Variants in MAB21L4 observed in about 807,000 individuals in gnomAD.
The protein encoded by MAB21L4 is mab-21 like 4, also known as protein mab-21-like 4.
MAB21L4 carries 25 observed loss-of-function variants against 32.4 expected under a neutral mutation model. That is an observed-to-expected ratio of 0.77 (90% CI 0.56 to 1.08). The LOEUF (loss-of-function observed/expected upper bound fraction) is 1.08. MAB21L4 is among the 50% of genes least tolerant of loss of function. The pLI, the probability that MAB21L4 is intolerant of heterozygous loss-of-function variation, is 0.00. For missense variants in MAB21L4, 638 were observed against 611.0 expected (o/e 1.04, Z -0.47); for synonymous variants, 280 against 276.8 (o/e 1.01, Z -0.11).
chr2:240,888,257 C>G, intron 4 of MAB21L4, 35 bp downstream of exon 4: 1 of 1,482,330 alleles, frequency 6.7e-7, no homozygotes, highest in Admixed American at 2.2e-5. Flanking sequence ...CCCATGCCCC[C>G]GGGCCTGCCC....
At chr2:240,890,321 C>T (rs946542128) in intron 2 of MAB21L4, among the ~76,000 whole-genome samples, 163 bp from the exon 3 acceptor site, 1 of 152,218 alleles carries the variant, frequency 6.6e-6, no homozygotes, top group Non-Finnish European at 1.5e-5. Context: ...CTGCTGTCAT[C>T]GGCTGTGCAG....
At chr2:240,894,460 C>T (rs150105505) in intron 1 of MAB21L4, among the ~76,000 whole-genome samples, 1,677 of 152,290 alleles carry the variant, frequency 0.011, 32 homozygotes, top group African/African-American at 0.039. Flanking sequence ...TCCAGGCAGC[C>T]CCTGCTGAAG....
At chr2:240,891,517 T>A (rs755392582) in intron 2 of MAB21L4, 21 bp downstream of exon 2, 1 of 1,572,294 alleles carries the variant, frequency 6.4e-7, no homozygotes. Flanking sequence ...AAGAACCTTG[T>A]GACCAGGAGG....
chr2:240,892,750 C>T (rs1483542910), intron 1 of MAB21L4, among the ~76,000 whole-genome samples: 1 of 152,228 alleles, frequency 6.6e-6, no homozygotes, highest in Non-Finnish European at 1.5e-5. Context: ...CTGTCCCCCA[C>T]AGGAGGCACA....
Position 240,890,191 on chromosome 2 carries a change from C to T in MAB21L4, c.741-33G>A, listed in dbSNP as rs368612814. The T allele has an allele frequency of 9.9e-5, 155 of 1,572,140 alleles. No individual in the cohort carries two copies. In the Middle Eastern group the frequency reaches 1.1e-3, roughly 12 times the overall value. On this transcript the variant is annotated intron_variant, in intron 2 of 4. Transcript: ENST00000388934. The stretch of plus-strand genomic sequence containing the variant: ...CCAGACAGACGCACTGGGTCAGCCC[C>T]CGCCGCTGTTGGCCCCCAGCATGGG...
At chr2:240,893,024 C>T (rs886143090) in intron 1 of MAB21L4, among the ~76,000 whole-genome samples, 13 of 152,328 alleles carry the variant, frequency 8.5e-5, no homozygotes, top group Middle Eastern at 3.4e-3. Flanking sequence ...GACACCCACA[C>T]GGCCCCCGCC....
In MAB21L4 at chr2:240,891,727, A is replaced by G; in HGVS notation, c.551T>C (p.Leu184Pro). The G allele has an allele frequency of 6.2e-7, 1 of 1,609,934 alleles. No homozygotes were observed. Among genetic ancestry groups the G allele is most frequent in the Non-Finnish European group, 8.5e-7 (1 of 1,179,864 alleles). Residue 184 changes from leucine (L) to proline (P), a missense_variant, in exon 2 of 5, where the codon CTC (leucine) becomes CCC (proline). Transcript: ENST00000388934. ...GCTGGACACCAGCAAGGACAGGTGGAGCTGCTCCTCCCTCAGGCTGGCCGC... is the reference window on the plus strand; with the variant it reads ...GCTGGACACCAGCAAGGACAGGTGGGGCTGCTCCTCCCTCAGGCTGGCCGC... ...LNAASLREEQ[L>P]HLSLLVSSGW...
intron 4 of MAB21L4, 52 bp from the exon 5 acceptor site, chr2:240,887,214 G>T: frequency 1.4e-6 from 2 of 1,476,660 alleles, no homozygotes; most frequent in Non-Finnish European, 1.9e-6. Context: ...TGGAGCCCAT[G>T]ATAAGCTCTC....
chr2:240,890,571 C>T (rs10933511), intron 2 of MAB21L4, among the ~76,000 whole-genome samples: 82,098 of 152,064 alleles, frequency 0.54, 23,336 homozygotes, highest in African/African-American at 0.73. Context: ...ACCCCAGCCC[C>T]GCCTATGCCC....
At chr2:240,888,101 GGACCCCCACGGCCCGTGT>G (rs2059111134) in intron 4 of MAB21L4, among the ~76,000 whole-genome samples, 173 bp downstream of exon 4, 1 of 152,134 alleles carries the variant, frequency 6.6e-6, no homozygotes, top group African/African-American at 2.4e-5. Flanking sequence ...ACCAGTGAGG[GGACCCCCACGGCCCGTGT>G]GACCCCCAGA....
chr2:240,895,753 T>C lies in MAB21L4; in HGVS notation c.245A>G (p.Glu82Gly), dbSNP rs372135948. Residue 82 changes from glutamate (E) to glycine (G), a missense_variant, in exon 1 of 5, where the codon GAG (glutamate) becomes GGG (glycine). Physicochemically the swap from Glu to Gly is moderately conservative, Grantham distance 98. Coordinates refer to ENST00000388934, the MANE Select transcript of MAB21L4 (RefSeq NM_001085437.3). The stretch of plus-strand genomic sequence containing the variant: ...CTCGGCATCCACCCACAGGGGCACC[T>C]CCATGTCCATTGGGTCCTCAGAGGA... ...LRSSEDPMDMEVPLWVDAEAL... is the reference protein window; with the variant it reads ...LRSSEDPMDMGVPLWVDAEAL... 5 of 1,612,656 alleles carry C rather than the reference T, an allele frequency of 3.1e-6. No homozygotes were observed. Among genetic ancestry groups the C allele is most frequent in the Non-Finnish European group, 4.2e-6 (5 of 1,179,918 alleles).
intron 1 of MAB21L4, among the ~76,000 whole-genome samples, chr2:240,894,204 G>A (rs1011038000): frequency 6.6e-5 from 10 of 151,858 alleles, no homozygotes; most frequent in African/African-American, 1.2e-4. Context: ...GGCCTCTCGC[G>A]AAGGTGAGCT....
chr2:240,888,281 C>T lies in MAB21L4; in HGVS notation c.1251+11G>A. On this transcript the variant is annotated intron_variant, in intron 4 of 4. Transcript: ENST00000388934. ...CCGGGCCTGCCCAAGGCCCCCGCAG[C>T]CAGCACCCACCTTGTCCAGCAGGAC... is the stretch of plus-strand genomic sequence containing the variant. 6 of 1,532,422 alleles carry T rather than the reference C, an allele frequency of 3.9e-6. No individual in the cohort carries two copies. Among genetic ancestry groups the T allele is most frequent in the Non-Finnish European group, 5.2e-6 (6 of 1,144,440 alleles). 94.9% of individuals were successfully genotyped at this position (1,532,422 alleles called of 1,614,324 possible).
At chr2:240,889,713 C>A (rs988035248) in intron 3 of MAB21L4, among the ~76,000 whole-genome samples, 1 of 152,148 alleles carries the variant, frequency 6.6e-6, no homozygotes, top group African/African-American at 2.4e-5. Flanking sequence ...GAGGCCCCAC[C>A]CTGAGATTCT....
intron 1 of MAB21L4, among the ~76,000 whole-genome samples, chr2:240,894,568 G>C (rs1340303442): frequency 6.6e-6 from 1 of 152,182 alleles, no homozygotes; most frequent in African/African-American, 2.4e-5. Context: ...ACTTTGAGAG[G>C]CCCAGGTGGG....
intron 1 of MAB21L4, among the ~76,000 whole-genome samples, chr2:240,895,080 G>A (rs2059177073): frequency 6.6e-6 from 1 of 152,228 alleles, no homozygotes; most frequent in Non-Finnish European, 1.5e-5. Flanking sequence ...GCTGTGACTG[G>A]CAAGAGAGCC....
Position 240,888,479 on chromosome 2 carries a change from A to G in MAB21L4, c.1064T>C (p.Leu355Pro). ...CTCCACGCGCTGGTAGATGGCACCAAGGTCCAGGCCGCTGCCCTGCAGCAG... is the reference window on the plus strand; with the variant it reads ...CTCCACGCGCTGGTAGATGGCACCAGGGTCCAGGCCGCTGCCCTGCAGCAG... ...RNLLQGSGLD[L>P]GAIYQRVEGF... The change falls in exon 4 of 5, where the codon CTT (leucine) becomes CCT (proline). Residue 355 changes from leucine to proline, a missense_variant. Coordinates refer to ENST00000388934, the MANE Select transcript of MAB21L4 (RefSeq NM_001085437.3). 6.3e-7 allele frequency: 1 copy of G among 1,599,376 alleles called. No homozygotes were observed. Among genetic ancestry groups the G allele is most frequent in the Non-Finnish European group, 8.5e-7 (1 of 1,175,424 alleles).
At chr2:240,893,750 C>T (rs978674594) in intron 1 of MAB21L4, among the ~76,000 whole-genome samples, 7 of 152,194 alleles carry the variant, frequency 4.6e-5, no homozygotes, top group African/African-American at 1.7e-4. Flanking sequence ...ACTCTGGGGG[C>T]GTGAGGAGCC....
chr2:240,888,799 G>T, intron 3 of MAB21L4, 151 bp from the exon 4 acceptor site: 1 of 546,874 alleles, frequency 1.8e-6, no homozygotes, highest in Non-Finnish European at 3.0e-6. Context: ...GTCCCAGTCG[G>T]AGTCCCAGGC....
Sources: allele counts gnomAD v4.1 joint callset (sites outside exome capture counted in the v4.1 genomes callset), GRCh38; gene constraint gnomAD v4.1.1; transcripts MANE v1.5; gene names NCBI Gene and HGNC (gene_info 2026-07-23, HGNC 2026-07-21).